The following SCN7A variants were observed in gnomAD, a reference collection of about 807,000 sequenced individuals.
The protein encoded by SCN7A is sodium voltage-gated channel alpha subunit 7.
SCN7A carries 138 observed loss-of-function variants against 155.2 expected under a neutral mutation model. The observed-to-expected ratio is 0.89, with a 90% CI of 0.77 to 1.02. SCN7A has a LOEUF of 1.02. Ranked by LOEUF, SCN7A falls within the 50% of genes least tolerant of loss-of-function variation. The probability of loss-of-function intolerance (pLI) is 0.00; values close to 1 mark genes in which losing one functional copy is unlikely to be tolerated. For synonymous variants in SCN7A, 693 were observed against 649.0 expected (o/e 1.07, Z -1.03); for missense variants, 2,058 against 1,986.6 (o/e 1.04, Z -0.68).
chr2:166,436,959 C>A (rs915286491), intron 15 of SCN7A, among the ~76,000 whole-genome samples: 1 of 152,152 alleles, frequency 6.6e-6, no homozygotes, highest in Non-Finnish European at 1.5e-5. Flanking sequence ...GTAAAATTTG[C>A]AGCCTGATGA....
In SCN7A at chr2:166,429,229, CA is replaced by C. The variant is rs1341602672; in HGVS notation, c.2637del (p.Ile879MetfsTer19). 6.5e-7 allele frequency: 1 copy of C among 1,547,840 alleles called. No individual in the cohort carries two copies. Among genetic ancestry groups the C allele is most frequent in the African/African-American group, 1.4e-5 (1 of 73,076 alleles). On this transcript the variant is annotated frameshift_variant, in exon 17 of 26. Coordinates refer to ENST00000643258, the MANE Select transcript of SCN7A (RefSeq NM_002976.4). LOFTEE classifies it high-confidence loss of function. ...SSSSECSTVD[I>X]AISEEEEMFY... ...AACATTTCTTCTTCTTCAGAGATAG[CA>C]ATATCAACAGTACTGCATTCAGATG...
intron 25 of SCN7A, among the ~76,000 whole-genome samples, chr2:166,407,787 G>C (rs905456548): frequency 2.0e-5 from 3 of 151,626 alleles, no homozygotes; most frequent in Non-Finnish European, 4.4e-5. Flanking sequence ...TACATGTGCA[G>C]AACATGCAGG....
At chr2:166,468,695 C>A (rs1702589081) in intron 7 of SCN7A, among the ~76,000 whole-genome samples, 1 of 149,282 alleles carries the variant, frequency 6.7e-6, no homozygotes, top group South Asian at 2.1e-4. Context: ...ACTTTTTCAG[C>A]AGATATTCTG....
chr2:166,405,366 C>T lies in SCN7A; in HGVS notation c.*214G>A. The T allele has an allele frequency of 2.1e-6, 1 of 473,182 alleles. No individual in the cohort carries two copies. The highest frequency in any genetic ancestry group is 3.7e-6 in the Non-Finnish European group (1 of 272,152). 29.3% of individuals were successfully genotyped at this position (473,182 alleles called of 1,614,324 possible). A position where few individuals can be genotyped will look rare whatever the true frequency, so the allele number is the denominator to read the frequency against. On this transcript the variant is annotated 3_prime_UTR_variant, in exon 26 of 26. Transcript: ENST00000643258. ...AGATTGTCAAATGGCCACTTTAACC[C>T]ACTTTAAACTCACTGCAGCAATATT...
intron 10 of SCN7A, among the ~76,000 whole-genome samples, chr2:166,458,265 G>A (rs1366888110): frequency 1.3e-5 from 2 of 151,476 alleles, no homozygotes; most frequent in East Asian, 3.9e-4. Flanking sequence ...GGTGGCTGAG[G>A]CTGCTGTGAG....
chr2:166,407,894 C>T (rs975819399), intron 25 of SCN7A, among the ~76,000 whole-genome samples: 9 of 151,932 alleles, frequency 5.9e-5, no homozygotes, highest in South Asian at 2.1e-4. Context: ...CCAACAAGCC[C>T]TGGTGTGTGT....
chr2:166,456,458 TAAAAG>T (rs1702276261), intron 11 of SCN7A, among the ~76,000 whole-genome samples: 1 of 151,720 alleles, frequency 6.6e-6, no homozygotes, highest in Non-Finnish European at 1.5e-5. Context: ...CATAGAAAAA[TAAAAG>T]AACACCACCA....
intron 2 of SCN7A, among the ~76,000 whole-genome samples, chr2:166,478,279 C>T (rs997944391): frequency 6.7e-5 from 10 of 150,110 alleles, no homozygotes; most frequent in Non-Finnish European, 3.0e-5. Flanking sequence ...TGCACGTATA[C>T]CCTAGAACTT....
chr2:166,409,524 A>G (rs1701149620), intron 25 of SCN7A, 141 bp downstream of exon 25: 1 of 613,794 alleles, frequency 1.6e-6, no homozygotes, highest in Non-Finnish European at 2.7e-6. Flanking sequence ...TGAAAATAAA[A>G]AAAGATCTCT....
At chr2:166,419,402 G>A (rs1411687429) in intron 20 of SCN7A, among the ~76,000 whole-genome samples, 1 of 146,656 alleles carries the variant, frequency 6.8e-6, no homozygotes, top group African/African-American at 2.5e-5. Flanking sequence ...CTGTCACCCA[G>A]TCTGGAGTGC....
intron 6 of SCN7A, 72 bp downstream of exon 6, chr2:166,472,245 G>A (rs889805296): frequency 1.3e-5 from 18 of 1,422,804 alleles, no homozygotes; most frequent in South Asian, 7.3e-5. Flanking sequence ...CTTTGCAGAC[G>A]TCAATTATTT....
chr2:166,422,696 T>C (rs1354422041), intron 19 of SCN7A, among the ~76,000 whole-genome samples: 1 of 152,208 alleles, frequency 6.6e-6, no homozygotes, highest in Non-Finnish European at 1.5e-5. Context: ...TTGCAAAGAT[T>C]GTTGATTTTA....
At chr2:166,441,306 G>T in intron 15 of SCN7A, 90 bp downstream of exon 15, 1 of 881,722 alleles carries the variant, frequency 1.1e-6, no homozygotes, top group Non-Finnish European at 1.7e-6. Flanking sequence ...CACAGTTACA[G>T]ACCATTAGAT....
chr2:166,423,814 A>AGAT (rs1171917706), intron 18 of SCN7A, among the ~76,000 whole-genome samples: 3 of 152,236 alleles, frequency 2.0e-5, no homozygotes, highest in African/African-American at 7.2e-5. Context: ...GCCAACTCAC[A>AGAT]GATATATGCC....
At position 166,405,007 on chromosome 2, in the gene SCN7A, C is replaced by T. The variant is rs1354990504; in HGVS notation, c.*573G>A. 1.3e-5 allele frequency: 2 copies of T among 151,804 alleles called. No homozygotes were observed. The highest frequency in any genetic ancestry group is 2.1e-4 in the South Asian group (1 of 4,818). 9.4% of individuals were successfully genotyped at this position (151,804 alleles called of 1,614,324 possible). Reference sequence around the variant, plus strand: ...AAACAAGAACATACAAAAATAAACACAGAGCTTCAACCAATCTTTTTCAAA... The same window carrying T: ...AAACAAGAACATACAAAAATAAACATAGAGCTTCAACCAATCTTTTTCAAA... On this transcript the variant is annotated 3_prime_UTR_variant, in exon 26 of 26. Coordinates refer to ENST00000643258, the MANE Select transcript of SCN7A (RefSeq NM_002976.4).
chr2:166,420,507 G>T (rs1701488961), intron 20 of SCN7A, among the ~76,000 whole-genome samples: 1 of 152,040 alleles, frequency 6.6e-6, no homozygotes, highest in South Asian at 2.1e-4. Context: ...ACTACTTGTG[G>T]TGGTCACAGA....
At chr2:166,423,164 A>C (rs1191425769) in intron 19 of SCN7A, 95 bp downstream of exon 19, 1 of 1,204,520 alleles carries the variant, frequency 8.3e-7, no homozygotes, top group African/African-American at 1.6e-5. Flanking sequence ...GAGAGAGGGA[A>C]AGGAAAGATA....
chr2:166,483,216 C>T (rs966778462), intron 2 of SCN7A, among the ~76,000 whole-genome samples: 5 of 151,894 alleles, frequency 3.3e-5, no homozygotes, highest in African/African-American at 1.2e-4. Context: ...AAAAATTTCT[C>T]CTTGAAACGA....
In SCN7A at chr2:166,475,119, T is replaced by C. The variant is rs201975890; in HGVS notation, c.235-775A>G. Among the ~76,000 whole-genome samples, 631 of 130,124 alleles carry C rather than the reference T, an allele frequency of 4.8e-3. 5 individuals are homozygous for C. Among genetic ancestry groups the C allele is most frequent in the South Asian group, 9.9e-3 (41 of 4,150 alleles). 85.4% of individuals were successfully genotyped at this position (130,124 alleles called of 152,430 possible). A position where few individuals can be genotyped will look rare whatever the true frequency, so the allele number is the denominator to read the frequency against. ...ACATATATATGTATATATATATATA[T>C]ACATATATATATATATATACACACA... is the stretch of plus-strand genomic sequence containing the variant. On this transcript the variant is annotated intron_variant, in intron 3 of 25. Transcript: ENST00000643258.
Sources: allele counts gnomAD v4.1 joint callset (sites outside exome capture counted in the v4.1 genomes callset), GRCh38; gene constraint gnomAD v4.1.1; transcripts MANE v1.5; gene names NCBI Gene and HGNC (gene_info 2026-07-23, HGNC 2026-07-21).